Variants in QTGAL observed in about 807,000 individuals in gnomAD.
The protein encoded by QTGAL is queuosine-tRNA galactosyltransferase, also known as BGnT-like protein 1.
At chr17:82,990,374 T>C in the QTGAL span, among the ~76,000 whole-genome samples, 1 of 152,214 alleles carries the variant, frequency 6.6e-6, no homozygotes, top group East Asian at 1.9e-4. Flanking sequence ...ACGCAGGCAG[T>C]GTCATCAGCA....
At chr17:82,946,816 T>G in the QTGAL span, 5 of 1,312,796 alleles carry the variant, frequency 3.8e-6, no homozygotes, top group Non-Finnish European at 4.2e-6. Context: ...AAGAGCAGAA[T>G]GAAAAGGAAA....
chr17:82,959,067 CTGGGGGTGTATGGTGTGTA>C, the QTGAL span, among the ~76,000 whole-genome samples: 1 of 49,436 alleles, frequency 2.0e-5, no homozygotes, highest in Non-Finnish European at 3.5e-5. Context: ...TGTGTGTACA[CTGGGGGTGTATGGTGTGTA>C]TGTGTGGGGG....
At chr17:83,000,437 C>T in the QTGAL span, among the ~76,000 whole-genome samples, 3 of 152,184 alleles carry the variant, frequency 2.0e-5, no homozygotes, top group Admixed American at 6.5e-5. Flanking sequence ...GAGTTTTGTG[C>T]AGTTGTGATT....
chr17:83,030,784 G>A, the QTGAL span: 1 of 152,288 alleles, frequency 6.6e-6, no homozygotes, highest in Non-Finnish European at 1.5e-5. Context: ...GAGGCCTCGG[G>A]GCGGTTCCGG....
At chr17:82,946,828 G>C in the QTGAL span, 1 of 1,387,174 alleles carries the variant, frequency 7.2e-7, no homozygotes, top group Non-Finnish European at 1.0e-6. Context: ...AAAAGGAAAT[G>C]AAACATAATA....
chr17:82,992,399 G>T, the QTGAL span, among the ~76,000 whole-genome samples: 1 of 152,188 alleles, frequency 6.6e-6, no homozygotes, highest in Non-Finnish European at 1.5e-5. Context: ...ATGCCTAGGA[G>T]AGGATGGCAT....
chr17:82,996,644 T>TA, the QTGAL span, among the ~76,000 whole-genome samples: 1 of 152,122 alleles, frequency 6.6e-6, no homozygotes, highest in Non-Finnish European at 1.5e-5. Context: ...TTACCTGACT[T>TA]AGACTACAGA....
At chr17:83,034,312 A>G in the QTGAL span, among the ~76,000 whole-genome samples, 5 of 152,220 alleles carry the variant, frequency 3.3e-5, 1 homozygote, top group South Asian at 1.0e-3. Flanking sequence ...ATATTTTCCG[A>G]TTTCATCCCA....
At chr17:83,021,517 TAAG>T in the QTGAL span, among the ~76,000 whole-genome samples, 2 of 152,160 alleles carry the variant, frequency 1.3e-5, no homozygotes, top group Non-Finnish European at 2.9e-5. Context: ...GAGAGAAATT[TAAG>T]AAGGCATAAA....
chr17:82,957,046 C>A, the QTGAL span: 1 of 1,273,588 alleles, frequency 7.9e-7, no homozygotes, highest in Non-Finnish European at 1.1e-6. Flanking sequence ...AGAATGGGGG[C>A]TGGGCTCCCT....
At chr17:82,991,194 C>T in the QTGAL span, among the ~76,000 whole-genome samples, 29 of 152,270 alleles carry the variant, frequency 1.9e-4, no homozygotes, top group African/African-American at 7.0e-4. Flanking sequence ...TTAGATACAA[C>T]ATCAAAACCA....
the QTGAL span, among the ~76,000 whole-genome samples, chr17:83,030,413 G>A: frequency 6.6e-6 from 1 of 152,214 alleles, no homozygotes; most frequent in Non-Finnish European, 1.5e-5. Context: ...GAGGCAAAGG[G>A]CAGCTGTAGA....
the QTGAL span, among the ~76,000 whole-genome samples, chr17:83,022,106 A>T: frequency 6.6e-6 from 1 of 152,258 alleles, no homozygotes; most frequent in African/African-American, 2.4e-5. Flanking sequence ...AAGAAAATGA[A>T]GAAAACTTTG....
chr17:82,974,561 G>C, the QTGAL span, among the ~76,000 whole-genome samples: 1 of 152,220 alleles, frequency 6.6e-6, no homozygotes, highest in Non-Finnish European at 1.5e-5. Context: ...CCAGCTGCCT[G>C]TTCCCATCCT....
the QTGAL span, among the ~76,000 whole-genome samples, chr17:82,954,692 G>T: frequency 6.6e-6 from 1 of 152,118 alleles, no homozygotes; most frequent in Admixed American, 6.5e-5. Flanking sequence ...TAGGCAAAAA[G>T]AACAAAGCTG....
At chr17:83,014,607 G>A in the QTGAL span, 1 of 1,436,460 alleles carries the variant, frequency 7.0e-7, no homozygotes, top group Admixed American at 1.7e-5. Flanking sequence ...CCAGGCTGGA[G>A]TGCAACGGCA....
At chr17:82,988,672 C>A in the QTGAL span, among the ~76,000 whole-genome samples, 1 of 152,078 alleles carries the variant, frequency 6.6e-6, no homozygotes, top group African/African-American at 2.4e-5. Context: ...AAACAAACAA[C>A]CCATCAAAAA....
chr17:82,957,590 G>A, the QTGAL span: 1 of 1,446,198 alleles, frequency 6.9e-7, no homozygotes, highest in South Asian at 1.4e-5. Context: ...AGCTCACGTT[G>A]CCAGTGGAGT....
the QTGAL span, chr17:82,942,364 A>G: frequency 1.1e-5 from 18 of 1,586,006 alleles, no homozygotes; most frequent in Admixed American, 2.8e-4. Flanking sequence ...GTCCCCACAC[A>G]GGGCCCAGAG....
Sources: gnomAD v4.1 joint callset for allele counts (sites outside exome capture counted in the v4.1 genomes callset) on GRCh38, gnomAD v4.1.1 for gene constraint, MANE v1.5 for transcripts, NCBI Gene and HGNC (gene_info 2026-07-23, HGNC 2026-07-21) for gene names.